The following ACBD6 variants were observed in gnomAD, a reference collection of about 807,000 sequenced individuals.
The protein encoded by ACBD6 is acyl-CoA-binding domain-containing protein 6.
In ACBD6, 28 loss-of-function variants were observed where a neutral mutation model predicts 37.2. The ratio of observed to expected loss-of-function variants is 0.75; its 90% CI spans 0.56 to 1.03. ACBD6 has a LOEUF of 1.03. Ranked by LOEUF, ACBD6 falls within the 50% of genes least tolerant of loss-of-function variation. The pLI, the probability that ACBD6 is intolerant of heterozygous loss-of-function variation, is 0.00. For synonymous variants in ACBD6, 113 were observed against 126.8 expected (o/e 0.89, Z 0.73); for missense variants, 340 against 337.4 (o/e 1.01, Z -0.06).
At chr1:180,335,990 A>G (rs1177318407) in intron 6 of ACBD6, among the ~76,000 whole-genome samples, 1 of 151,868 alleles carries the variant, frequency 6.6e-6, no homozygotes, top group African/African-American at 2.4e-5. Context: ...CACCCAATAC[A>G]GGAGCACCCA....
chr1:180,401,997 T>C (rs1163841837), intron 5 of ACBD6, among the ~76,000 whole-genome samples: 1 of 152,172 alleles, frequency 6.6e-6, no homozygotes, highest in Non-Finnish European at 1.5e-5. Context: ...TAGTATATGG[T>C]ATGGTACTGT....
intron 3 of ACBD6, among the ~76,000 whole-genome samples, chr1:180,476,683 G>A (rs766203142): frequency 7.9e-5 from 12 of 151,996 alleles, no homozygotes; most frequent in Non-Finnish European, 1.0e-4. Context: ...AAAATGAGCC[G>A]GGCGTGGTGG....
intron 3 of ACBD6, among the ~76,000 whole-genome samples, chr1:180,443,317 T>C (rs10913994): frequency 0.13 from 19,405 of 152,114 alleles, 1,802 homozygotes; most frequent in East Asian, 0.36. Flanking sequence ...GGAAACAAAA[T>C]ATTCTCAGTC....
At chr1:180,291,220 T>C (rs1649695028) in intron 7 of ACBD6, among the ~76,000 whole-genome samples, 1 of 152,204 alleles carries the variant, frequency 6.6e-6, no homozygotes, top group Non-Finnish European at 1.5e-5. Context: ...TCCTGTTTTA[T>C]GTTTTCACAG....
At chr1:180,434,313 A>T (rs1280864551) in intron 3 of ACBD6, among the ~76,000 whole-genome samples, 2 of 152,230 alleles carry the variant, frequency 1.3e-5, no homozygotes, top group Non-Finnish European at 2.9e-5. Context: ...CCCTGGAAGA[A>T]ATCAAAATAT....
chr1:180,393,653 A>G (rs1405986300), intron 6 of ACBD6, among the ~76,000 whole-genome samples: 1 of 152,216 alleles, frequency 6.6e-6, no homozygotes, highest in Non-Finnish European at 1.5e-5. Flanking sequence ...ACCAAAGAAG[A>G]TATTACAAGC....
At chr1:180,346,513 A>G (rs1187801926) in intron 6 of ACBD6, among the ~76,000 whole-genome samples, 1 of 152,090 alleles carries the variant, frequency 6.6e-6, no homozygotes, top group Admixed American at 6.6e-5. Context: ...CAAAGAAACA[A>G]ATAGCCATGT....
rs368976348 is a variant in ACBD6, at chr1:180,479,786, G to A, written c.384+12483C>T. Among the ~76,000 whole-genome samples, 7 of 152,096 alleles carry A rather than the reference G, an allele frequency of 4.6e-5. No homozygotes were observed. The South Asian group carries it at 8.3e-4, about 18-fold the overall frequency. On this transcript the variant is annotated intron_variant, in intron 3 of 7. Coordinates refer to ENST00000367595, the MANE Select transcript of ACBD6 (RefSeq NM_032360.4). ...GTGGATTGCTTGAGTCCAGGAGTTC[G>A]AGACTGGCCTGGGCAACATGGCGAA...
chr1:180,456,073 G>A lies in ACBD6; in HGVS notation c.385-25811C>T, dbSNP rs150776289. On this transcript the variant is annotated intron_variant, in intron 3 of 7. Coordinates refer to ENST00000367595, the MANE Select transcript of ACBD6 (RefSeq NM_032360.4). ...TAAAAATACAAAAAATTAACTGGAC[G>A]TGGTGACACATGCCTATAGTCCCAG... Among the ~76,000 whole-genome samples, 279 of 152,106 alleles carry A rather than the reference G, an allele frequency of 1.8e-3. 1 individual carries two copies. Among genetic ancestry groups the A allele is most frequent in the African/African-American group, 6.3e-3 (261 of 41,500 alleles).
At chr1:180,472,548 A>G (rs536851187) in intron 3 of ACBD6, among the ~76,000 whole-genome samples, 10 of 152,166 alleles carry the variant, frequency 6.6e-5, no homozygotes, top group South Asian at 2.1e-4. Context: ...GCGGGTGTGT[A>G]TATCATCAAT....
At chr1:180,316,422 G>T (rs192000147) in intron 6 of ACBD6, among the ~76,000 whole-genome samples, 4 of 151,912 alleles carry the variant, frequency 2.6e-5, no homozygotes, top group Admixed American at 2.0e-4. Flanking sequence ...CCTGCATTAG[G>T]AAGCAATTTC....
intron 7 of ACBD6, among the ~76,000 whole-genome samples, chr1:180,300,428 C>G (rs921827183): frequency 8.6e-5 from 13 of 151,934 alleles, no homozygotes; most frequent in African/African-American, 2.9e-4. Context: ...GTTTTGACTA[C>G]CTTAAAAACT....
At chr1:180,287,013 T>G (rs1649523668), downstream of ACBD6, 1 of 152,206 alleles carries the variant, frequency 6.6e-6, no homozygotes, top group South Asian at 2.1e-4. Context: ...TCTCTTCCTA[T>G]GTCAACTATC....
At chr1:180,315,438 T>C (rs1650760227) in intron 6 of ACBD6, among the ~76,000 whole-genome samples, 1 of 152,190 alleles carries the variant, frequency 6.6e-6, no homozygotes, top group Admixed American at 6.5e-5. Context: ...ATAATCAAAG[T>C]ACACAAGTGA....
rs139152566 is a variant in ACBD6 at position 180,415,596 on chromosome 1, C to T, written c.468-2125G>A. Among the ~76,000 whole-genome samples, 334 of 152,286 alleles carry T rather than the reference C, an allele frequency of 2.2e-3. 1 individual carries two copies. The highest frequency in any genetic ancestry group is 0.014 in the Middle Eastern group (4 of 294). On this transcript the variant is annotated intron_variant, in intron 4 of 7. Transcript: ENST00000367595. ...GTCATAGCAATACTACAGTGCTACT[C>T]GCCAATTGTTTCTGAATTGGAAAAT...
At chr1:180,376,582 T>G (rs6691333) in intron 6 of ACBD6, among the ~76,000 whole-genome samples, 3 of 152,180 alleles carry the variant, frequency 2.0e-5, no homozygotes, top group Non-Finnish European at 4.4e-5. Flanking sequence ...AAGAGTATCT[T>G]TAGTATGTTA....
intron 1 of ACBD6, among the ~76,000 whole-genome samples, chr1:180,500,829 TAAAAA>T (rs397982142): frequency 1.8e-5 from 2 of 111,772 alleles, no homozygotes; most frequent in Non-Finnish European, 1.8e-5. Flanking sequence ...AGACCCTCTG[TAAAAA>T]AAAAAAAAAA....
intron 2 of ACBD6, 36 bp from the exon 3 acceptor site, chr1:180,492,401 T>G (rs760211890): frequency 6.7e-7 from 1 of 1,495,342 alleles, no homozygotes; most frequent in Non-Finnish European, 9.3e-7. Flanking sequence ...CCTGTCATTA[T>G]GCAAATAACA....
intron 7 of ACBD6, 33 bp downstream of exon 7, chr1:180,314,659 A>T: frequency 2.7e-6 from 4 of 1,483,746 alleles, no homozygotes; most frequent in Non-Finnish European, 3.8e-6. Flanking sequence ...ATATGTTCAA[A>T]TATGATTACT....
Sources: allele counts gnomAD v4.1 joint callset (sites outside exome capture counted in the v4.1 genomes callset), GRCh38; gene constraint gnomAD v4.1.1; transcripts MANE v1.5; gene names NCBI Gene and HGNC (gene_info 2026-07-23, HGNC 2026-07-21).